MYO5B: variants seen among roughly 807,000 people sequenced by gnomAD.
The protein encoded by MYO5B is myosin VB.
Under a neutral mutation model 229.3 loss-of-function variants are expected in MYO5B, and 143 were observed. The observed-to-expected ratio is 0.62, with a 90% CI of 0.54 to 0.72. The LOEUF (loss-of-function observed/expected upper bound fraction) is 0.72. Ranked by LOEUF, MYO5B falls within the 30% of genes least tolerant of loss-of-function variation. The pLI is 0.00. For missense variants in MYO5B, 2,321 were observed against 2,331.0 expected, an observed-to-expected ratio of 1.00 and a Z score of 0.09; for synonymous variants, 918 against 885.2, an observed-to-expected ratio of 1.04 and a Z score of -0.66.
intron 4 of MYO5B, among the ~76,000 whole-genome samples, chr18:50,013,484 G>C (rs1233973053): frequency 6.6e-6 from 1 of 152,316 alleles, no homozygotes; most frequent in East Asian, 1.9e-4. Context: ...TTCTGCAATA[G>C]CAGCCTCAGG....
chr18:49,932,705 C>T lies in MYO5B; in HGVS notation c.2004-3107G>A, dbSNP rs115836729. ...AACAAACAAAAAAACAAGAAGAATGCTTTTAGAAAAAGCTAAGAGACACTA... is the reference window on the plus strand; with the variant it reads ...AACAAACAAAAAAACAAGAAGAATGTTTTTAGAAAAAGCTAAGAGACACTA... On this transcript the variant is annotated intron_variant, in intron 16 of 39. Transcript: ENST00000285039. Among the ~76,000 whole-genome samples, 433 of 152,256 alleles carry T rather than the reference C, an allele frequency of 2.8e-3. 2 individuals carry two copies. The highest frequency in any genetic ancestry group is 9.8e-3 in the African/African-American group (406 of 41,552).
intron 1 of MYO5B, among the ~76,000 whole-genome samples, chr18:50,082,226 G>A (rs919672584): frequency 6.6e-6 from 1 of 152,122 alleles, no homozygotes; most frequent in Non-Finnish European, 1.5e-5. Flanking sequence ...CCAGACATAA[G>A]TCCTCACTAA....
intron 25 of MYO5B, among the ~76,000 whole-genome samples, chr18:49,877,361 T>C (rs931775771): frequency 5.9e-5 from 9 of 152,162 alleles, no homozygotes; most frequent in Non-Finnish European, 1.2e-4. Flanking sequence ...GAGGGGGCAA[T>C]TTTCTTGTTT....
intron 27 of MYO5B, among the ~76,000 whole-genome samples, chr18:49,867,887 T>C (rs974230665): frequency 6.6e-6 from 1 of 152,208 alleles, no homozygotes; most frequent in Non-Finnish European, 1.5e-5. Context: ...TTTAAAATTA[T>C]GAGGAATTTT....
chr18:49,955,398 C>T (rs552984549), intron 12 of MYO5B, among the ~76,000 whole-genome samples: 2 of 152,376 alleles, frequency 1.3e-5, no homozygotes, highest in South Asian at 2.1e-4. Context: ...CTGGTCATCG[C>T]TGCACACACT....
At chr18:50,096,468 A>C (rs2031553304) in intron 1 of MYO5B, among the ~76,000 whole-genome samples, 1 of 152,048 alleles carries the variant, frequency 6.6e-6, no homozygotes, top group South Asian at 2.1e-4. Context: ...CAAGAGCTAG[A>C]AGATCCCTCT....
At chr18:49,853,342 G>T in intron 31 of MYO5B, 107 bp downstream of exon 31, 3 of 1,112,300 alleles carry the variant, frequency 2.7e-6, no homozygotes, top group Non-Finnish European at 4.0e-6. Flanking sequence ...CCTACTATAG[G>T]GCCAAGGGTC....
intron 17 of MYO5B, among the ~76,000 whole-genome samples, chr18:49,918,309 G>A (rs765108859): frequency 6.6e-6 from 1 of 152,174 alleles, no homozygotes; most frequent in Non-Finnish European, 1.5e-5. Flanking sequence ...CCTCATGAGG[G>A]GACTGGCTGG....
chr18:49,948,705 C>T (rs1428462147), intron 14 of MYO5B, among the ~76,000 whole-genome samples: 1 of 152,112 alleles, frequency 6.6e-6, no homozygotes, highest in Non-Finnish European at 1.5e-5. Flanking sequence ...AAAAACACAT[C>T]AGTGTGGAAA....
At chr18:49,949,605 C>T (rs561420256) in intron 14 of MYO5B, among the ~76,000 whole-genome samples, 1 of 152,130 alleles carries the variant, frequency 6.6e-6, no homozygotes, top group African/African-American at 2.4e-5. Context: ...GTCTTCTATC[C>T]CCTACTGCTT....
chr18:49,840,036 A>G (rs1177575516), intron 35 of MYO5B: 1 of 153,548 alleles, frequency 6.5e-6, no homozygotes, highest in Non-Finnish European at 1.4e-5. Context: ...GGATAATTGT[A>G]ATGATGAAGA....
intron 4 of MYO5B, among the ~76,000 whole-genome samples, chr18:50,013,819 A>G (rs1161975163): frequency 1.3e-5 from 2 of 152,214 alleles, no homozygotes; most frequent in South Asian, 2.1e-4. Context: ...AGACGGTAAG[A>G]GTACAGAGCC....
intron 31 of MYO5B, among the ~76,000 whole-genome samples, chr18:49,852,353 T>C (rs1221691257): frequency 2.0e-5 from 3 of 152,212 alleles, no homozygotes; most frequent in Non-Finnish European, 4.4e-5. Flanking sequence ...TTCTTTAACA[T>C]GGTGCATTTC....
At chr18:49,965,455 T>TCACACACACACACACACACACACA (rs57101973) in intron 10 of MYO5B, among the ~76,000 whole-genome samples, 3 of 147,098 alleles carry the variant, frequency 2.0e-5, no homozygotes, top group African/African-American at 7.6e-5. Flanking sequence ...ACACTTCTTT[T>TCACACACACACACACACACACACA]CACACACACA....
intron 1 of MYO5B, among the ~76,000 whole-genome samples, chr18:50,109,594 T>A (rs536312501): frequency 6.6e-6 from 1 of 152,130 alleles, no homozygotes; most frequent in African/African-American, 2.4e-5. Flanking sequence ...TTGGCTAATT[T>A]TTTTTGTATT....
intron 26 of MYO5B, among the ~76,000 whole-genome samples, chr18:49,873,823 T>C (rs578038980): frequency 1.3e-4 from 20 of 152,268 alleles, no homozygotes; most frequent in Non-Finnish European, 2.6e-4. Flanking sequence ...GGTGGCTGGG[T>C]GGGAGGTCAA....
rs182344387 is a variant in MYO5B at position 49,884,512 on chromosome 18, G to A, written c.3046-4057C>T. 2.0e-3 allele frequency among the ~76,000 whole-genome samples: 300 copies of A among 152,022 alleles called. 2 individuals carry two copies. The highest frequency in any genetic ancestry group is 6.6e-3 in the African/African-American group (275 of 41,430). On this transcript the variant is annotated intron_variant, in intron 22 of 39. Coordinates refer to ENST00000285039, the MANE Select transcript of MYO5B (RefSeq NM_001080467.3). The stretch of plus-strand genomic sequence containing the variant: ...CAGTGACAGATCATCAGGCATTAGA[G>A]TCTTATAAGGAAAGTGTCGCATGTG...
chr18:49,883,405 A>C (rs1254635017), intron 22 of MYO5B, among the ~76,000 whole-genome samples: 1 of 152,238 alleles, frequency 6.6e-6, no homozygotes, highest in Non-Finnish European at 1.5e-5. Flanking sequence ...TAATGGCATA[A>C]AATATTTAGG....
intron 14 of MYO5B, among the ~76,000 whole-genome samples, chr18:49,939,140 T>C (rs886741801): frequency 7.8e-6 from 1 of 128,104 alleles, no homozygotes; most frequent in African/African-American, 2.9e-5. Context: ...ACACTCTTTC[T>C]TTTTTTTCTT....
Sources: allele counts gnomAD v4.1 joint callset (sites outside exome capture counted in the v4.1 genomes callset), GRCh38; gene constraint gnomAD v4.1.1; transcripts MANE v1.5; gene names NCBI Gene and HGNC (gene_info 2026-07-23, HGNC 2026-07-21).